Variants in ALK observed in about 807,000 individuals in gnomAD.
ALK encodes the protein ALK tyrosine kinase receptor.
ALK carries 74 observed loss-of-function variants against 163.1 expected under a neutral mutation model. The observed-to-expected ratio is 0.45, with a 90% confidence interval of 0.38 to 0.55. The LOEUF (loss-of-function observed/expected upper bound fraction) is 0.55. ALK is among the 20% of genes least tolerant of loss of function. The probability of loss-of-function intolerance (pLI) is 0.00; values close to 1 mark genes in which losing one functional copy is unlikely to be tolerated. For synonymous variants in ALK, 960 were observed against 843.2 expected (o/e 1.14, Z -2.40); for missense variants, 2,063 against 2,105.3 (o/e 0.98, Z 0.39).
chr2:29,499,283 G>T (rs1359106399), intron 4 of ALK, among the ~76,000 whole-genome samples: 1 of 151,796 alleles, frequency 6.6e-6, no homozygotes, highest in Non-Finnish European at 1.5e-5. Context: ...TGTAACCTCT[G>T]CCTCTCAGGT....
chr2:29,279,488 A>G (rs1665652103), intron 9 of ALK, among the ~76,000 whole-genome samples: 1 of 152,090 alleles, frequency 6.6e-6, no homozygotes, highest in Non-Finnish European at 1.5e-5. Context: ...GCAGGAGCAG[A>G]GGCCGTCTAG....
rs545507783 is a variant in ALK at position 29,720,864 on chromosome 2, T to G, written c.668-3167A>C. On this transcript the variant is annotated intron_variant, in intron 1 of 28. Transcript: ENST00000389048. ...GCCTTGTCTTTTCAGGGTTCCACTC[T>G]GAAAATATGAGGATCCAGAGTGAAA... Among the ~76,000 whole-genome samples the G allele has an allele frequency of 2.6e-5, 4 of 152,150 alleles. No individual in the cohort carries two copies. The South Asian group carries it at 6.2e-4, about 24-fold the overall frequency.
chr2:29,306,109 C>A (rs1344597902), intron 8 of ALK, among the ~76,000 whole-genome samples: 1 of 152,124 alleles, frequency 6.6e-6, no homozygotes, highest in African/African-American at 2.4e-5. Context: ...GTTGGGGACC[C>A]CTGGCCTACT....
intron 1 of ALK, among the ~76,000 whole-genome samples, chr2:29,910,874 A>G (rs926765249): frequency 9.2e-5 from 14 of 152,332 alleles, no homozygotes; most frequent in Admixed American, 9.1e-4. Flanking sequence ...ACTCTGATTC[A>G]ACATAGAAAT....
intron 3 of ALK, among the ~76,000 whole-genome samples, chr2:29,594,908 C>T (rs866428834): frequency 7.8e-5 from 3 of 38,622 alleles, no homozygotes; most frequent in African/African-American, 2.3e-4. Flanking sequence ...GGGTGGGGGG[C>T]GGGGGGCAAA....
At chr2:29,204,134 A>G (rs891160141) in intron 26 of ALK, among the ~76,000 whole-genome samples, 2 of 152,198 alleles carry the variant, frequency 1.3e-5, no homozygotes, top group Non-Finnish European at 2.9e-5. Flanking sequence ...CAAACTTGGA[A>G]GAAACTATGA....
chr2:29,297,650 T>C (rs1666235452), intron 8 of ALK, among the ~76,000 whole-genome samples: 5 of 152,220 alleles, frequency 3.3e-5, no homozygotes, highest in Admixed American at 1.3e-4. Flanking sequence ...TCTTTTAATA[T>C]GGGCATCTTT....
chr2:29,701,681 G>A (rs1245830843), intron 2 of ALK, among the ~76,000 whole-genome samples: 2 of 152,136 alleles, frequency 1.3e-5, no homozygotes, highest in African/African-American at 4.8e-5. Context: ...GAAGGCGTGT[G>A]GGAAGTGTAT....
intron 4 of ALK, among the ~76,000 whole-genome samples, chr2:29,460,114 G>A (rs539167417): frequency 1.7e-4 from 26 of 152,230 alleles, no homozygotes; most frequent in Admixed American, 1.4e-3. Context: ...CAGTAGGAGT[G>A]GAACGAACAC....
Position 29,634,803 on chromosome 2 carries a change from G to C in ALK, c.952+60047C>G, listed in dbSNP as rs141152974. On this transcript the variant is annotated intron_variant, in intron 3 of 28. Coordinates refer to ENST00000389048, the MANE Select transcript of ALK (RefSeq NM_004304.5). ...CAAAAATACATAAATAACAAACAAAGAAACAGAAATAAAAGACATATATAT... is the reference window on the plus strand; with the variant it reads ...CAAAAATACATAAATAACAAACAAACAAACAGAAATAAAAGACATATATAT... Among the ~76,000 whole-genome samples, 81 of 152,096 alleles carry C rather than the reference G, an allele frequency of 5.3e-4. 2 individuals carry two copies. In the East Asian group the frequency reaches 0.014, roughly 27 times the overall value.
At chr2:29,257,043 A>T (rs1417916049) in intron 11 of ALK, among the ~76,000 whole-genome samples, 1 of 152,164 alleles carries the variant, frequency 6.6e-6, no homozygotes, top group Non-Finnish European at 1.5e-5. Context: ...GGCTGGCTTG[A>T]TGCTGAGCAG....
At chr2:29,831,049 GAGAAGA>G (rs1476681815) in intron 1 of ALK, among the ~76,000 whole-genome samples, 27 of 55,576 alleles carry the variant, frequency 4.9e-4, no homozygotes, top group South Asian at 1.1e-3. Context: ...GGAGGAGAAG[GAGAAGA>G]GGAAGGGGAG....
rs140361792 is a variant in ALK at position 29,877,948 on chromosome 2, A to G, written c.667+42045T>C. Among the ~76,000 whole-genome samples, 256 of 152,298 alleles carry G rather than the reference A, an allele frequency of 1.7e-3. 1 individual carries two copies. The highest frequency in any genetic ancestry group is 5.5e-3 in the African/African-American group (228 of 41,566). ...ATTCTGGCTTCCTTCCCAGACCCAG[A>G]AGAGAGACATGACTACCAGATTATA... On this transcript the variant is annotated intron_variant, in intron 1 of 28. Transcript: ENST00000389048.
At chr2:29,314,350 T>G (rs1289087505) in intron 8 of ALK, among the ~76,000 whole-genome samples, 2 of 152,058 alleles carry the variant, frequency 1.3e-5, no homozygotes, top group Non-Finnish European at 1.5e-5. Flanking sequence ...GGCCCGCTGG[T>G]CACCTTCTGC....
intron 1 of ALK, among the ~76,000 whole-genome samples, chr2:29,818,135 C>T (rs1385315293): frequency 2.0e-5 from 3 of 152,156 alleles, no homozygotes; most frequent in African/African-American, 7.2e-5. Flanking sequence ...TCTCCTATTA[C>T]TGTTTGCTTC....
chr2:29,858,910 G>A (rs1479628704), intron 1 of ALK, among the ~76,000 whole-genome samples: 2 of 152,018 alleles, frequency 1.3e-5, no homozygotes, highest in African/African-American at 4.8e-5. Context: ...ACACGTGCCT[G>A]TAGTCCCAGC....
chr2:29,350,785 ACT>A (rs1170375423), intron 5 of ALK, among the ~76,000 whole-genome samples: 1 of 152,182 alleles, frequency 6.6e-6, no homozygotes, highest in African/African-American at 2.4e-5. Context: ...AGATAAAGAC[ACT>A]CAGGCCCAGA....
At position 29,542,679 on chromosome 2, in the gene ALK, A is replaced by G. The variant is rs958310880; in HGVS notation, c.953-10563T>C. On this transcript the variant is annotated intron_variant, in intron 3 of 28. Transcript: ENST00000389048. ...TCTTTGTAATTGATCTGTTTTTCCT[A>G]TTTGGAAGCTTTTGGGATCTTTCTT... Among the ~76,000 whole-genome samples the G allele has an allele frequency of 2.0e-5, 3 of 152,112 alleles. No homozygotes were observed. The South Asian group carries it at 6.2e-4, about 31-fold the overall frequency.
chr2:29,428,839 T>C (rs772294992), intron 4 of ALK, among the ~76,000 whole-genome samples: 1 of 152,024 alleles, frequency 6.6e-6, no homozygotes, highest in Non-Finnish European at 1.5e-5. Flanking sequence ...ATGTCTCTTA[T>C]AGATATAAAC....
Sources: gnomAD v4.1 joint callset for allele counts (sites outside exome capture counted in the v4.1 genomes callset) on GRCh38, gnomAD v4.1.1 for gene constraint, MANE v1.5 for transcripts, NCBI Gene and HGNC (gene_info 2026-07-23, HGNC 2026-07-21) for gene names.